ZNF200: variants seen among roughly 807,000 people sequenced by gnomAD.
ZNF200 encodes the protein zinc finger protein 200.
A neutral mutation model predicts 33.6 loss-of-function variants in ZNF200; 35 were observed. The ratio of observed to expected loss-of-function variants is 1.04; its 90% CI spans 0.80 to 1.38. The LOEUF (loss-of-function observed/expected upper bound fraction) is 1.38, where lower values mean the gene tolerates loss of function less well. Ranked by LOEUF, ZNF200 falls within the 40% of genes most tolerant of loss-of-function variation. ZNF200 has a pLI of 0.00. For synonymous variants in ZNF200, 209 were observed against 167.7 expected (o/e 1.25, Z -1.90); for missense variants, 592 against 470.6 (o/e 1.26, Z -2.39).
chr16:3,226,410 G>A (rs1219483611), intron 4 of ZNF200: 1 of 152,062 alleles, frequency 6.6e-6, no homozygotes, highest in African/African-American at 2.4e-5. Context: ...TTTTACCATA[G>A]CTCTTGACAT....
intron 3 of ZNF200, 27 bp from the exon 4 acceptor site, chr16:3,232,574 C>G (rs1363760856): frequency 6.2e-7 from 1 of 1,610,568 alleles, no homozygotes; most frequent in African/African-American, 1.3e-5. Flanking sequence ...CCCCTTTCAT[C>G]TTAGTAACTG....
Position 3,224,293 on chromosome 16 carries a change from C to G in ZNF200, c.787G>C (p.Glu263Gln). ...TGGTGGGAAATGAGGTAAGAACTTT[C>G]ATTAAACTGTTTCCCACACAGTGGA... is the stretch of plus-strand genomic sequence containing the variant. ...TCPLCGKQFN[E>Q]SSYLISHQRT... Residue 263 changes from glutamate (E) to glutamine (Q), a missense_variant, in exon 5 of 5, where the codon GAA (glutamate) becomes CAA (glutamine). By Grantham distance (29) the Glu-to-Gln change is conservative. Transcript: ENST00000414144. 1 of 1,614,144 alleles carries G rather than the reference C, an allele frequency of 6.2e-7. No individual in the cohort carries two copies. The highest frequency in any genetic ancestry group is 1.3e-5 in the African/African-American group (1 of 75,032).
chr16:3,226,787 G>A (rs1042916990), intron 4 of ZNF200: 6 of 152,096 alleles, frequency 3.9e-5, no homozygotes, highest in African/African-American at 1.2e-4. Context: ...TTGAACTCCT[G>A]GAACAAAGGA....
rs199831955 is a variant in ZNF200 at position 3,232,932 on chromosome 16, A to T, written c.251-11T>A. The stretch of plus-strand genomic sequence containing the variant: ...AGGGACGAGGATGCACTGGGGAAAG[A>T]GGAAGGTTTAGTTAGTGAAAAACTC... On this transcript the variant is annotated splice_polypyrimidine_tract_variant and intron_variant, in intron 2 of 4. Transcript: ENST00000414144. 79 of 1,612,794 alleles carry T rather than the reference A, an allele frequency of 4.9e-5. 1 individual carries two copies. The Admixed American group carries it at 1.3e-3, about 27-fold the overall frequency.
intron 4 of ZNF200, chr16:3,226,342 A>G (rs1257814512): frequency 6.6e-6 from 1 of 152,194 alleles, no homozygotes; most frequent in Non-Finnish European, 1.5e-5. Context: ...GGCATGAGCC[A>G]CTGCGCCCGA....
At chr16:3,226,897 A>G (rs1189233764) in intron 4 of ZNF200, 1 of 152,166 alleles carries the variant, frequency 6.6e-6, no homozygotes, top group Non-Finnish European at 1.5e-5. Flanking sequence ...CTCACCATCA[A>G]TGTGTTTTTA....
intron 3 of ZNF200, 56 bp downstream of exon 3, chr16:3,232,777 T>A (rs901349240): frequency 1.3e-6 from 2 of 1,573,398 alleles, no homozygotes; most frequent in Non-Finnish European, 1.7e-6. Flanking sequence ...TACACACAGG[T>A]TGGCCAAGCA....
intron 4 of ZNF200, chr16:3,227,347 A>C (rs1413648477): frequency 6.6e-6 from 1 of 152,244 alleles, no homozygotes; most frequent in Non-Finnish European, 1.5e-5. Flanking sequence ...GGAATCACTC[A>C]TATTTTCTAA....
Position 3,234,971 on chromosome 16 carries a change from T to G in ZNF200, c.-82+16A>C, listed in dbSNP as rs938334266. ...GGCGGCCTCAGCCTGGTTCCCGCCC[T>G]CACGGAGCCCCTCACCTCTCGGGGC... On this transcript the variant is annotated intron_variant, in intron 1 of 4. Transcript: ENST00000414144. The G allele has an allele frequency of 2.6e-5, 4 of 152,270 alleles. No homozygotes were observed. The highest frequency in any genetic ancestry group is 9.6e-5 in the African/African-American group (4 of 41,452). The allele number at this position is 152,270 out of a possible 1,614,324, so 9.4% of individuals were successfully genotyped here.
chr16:3,233,365 A>T, intron 2 of ZNF200, 141 bp downstream of exon 2: 1 of 1,205,198 alleles, frequency 8.3e-7, no homozygotes, highest in Non-Finnish European at 1.1e-6. Flanking sequence ...ACTTGAGAAG[A>T]ACTTCCTCTT....
chr16:3,231,303 A>C (rs968971940), intron 4 of ZNF200, among the ~76,000 whole-genome samples: 1 of 152,242 alleles, frequency 6.6e-6, no homozygotes, highest in African/African-American at 2.4e-5. Flanking sequence ...AATAAAGAAG[A>C]TATCACATAG....
At chr16:3,228,533 C>T (rs974126963) in intron 4 of ZNF200, among the ~76,000 whole-genome samples, 5 of 151,798 alleles carry the variant, frequency 3.3e-5, no homozygotes, top group Admixed American at 2.0e-4. Flanking sequence ...CTTGCTCTGT[C>T]CCCTAGGCTG....
chr16:3,224,083 C>T lies in ZNF200; in HGVS notation c.997G>A (p.Glu333Lys), dbSNP rs967063481. Residue 333 changes from glutamate (E) to lysine (K), a missense_variant, in exon 5 of 5, where the codon GAG (glutamate) becomes AAG (lysine). Transcript: ENST00000414144. ...CATTCTGGACACTTAAATATCTTCT[C>T]CCTTATATGGATTCCTTCATGACGA... Reference protein sequence around the residue: ...RSRHEGIHIREKIFKCPECGK... With the variant: ...RSRHEGIHIRKKIFKCPECGK... The T allele has an allele frequency of 2.5e-6, 4 of 1,614,024 alleles. No individual in the cohort carries two copies. The highest frequency in any genetic ancestry group is 1.3e-5 in the African/African-American group (1 of 74,910).
At chr16:3,228,621 A>G (rs1238771945) in intron 4 of ZNF200, among the ~76,000 whole-genome samples, 2 of 151,946 alleles carry the variant, frequency 1.3e-5, no homozygotes, top group African/African-American at 4.8e-5. Flanking sequence ...CAGCCTCCAG[A>G]GTAACTGGGA....
At chr16:3,230,446 G>T (rs1356261520) in intron 4 of ZNF200, among the ~76,000 whole-genome samples, 1 of 152,098 alleles carries the variant, frequency 6.6e-6, no homozygotes, top group Non-Finnish European at 1.5e-5. Flanking sequence ...TTTGTTTGTT[G>T]CCTAGTATTT....
Position 3,224,231 on chromosome 16 carries a change from A to T in ZNF200, c.849T>A (p.Asn283Lys), listed in dbSNP as rs1958407916. 1.9e-6 allele frequency: 3 copies of T among 1,614,136 alleles called. No individual in the cohort carries two copies. Among genetic ancestry groups the T allele is most frequent in the Non-Finnish European group, 2.5e-6 (3 of 1,180,030 alleles). ...TATGATTGAAGCTTTTCCCACAGTGATTACAGTCATAGGGTTTTTCTCCAG... is the reference window on the plus strand; with the variant it reads ...TATGATTGAAGCTTTTCCCACAGTGTTTACAGTCATAGGGTTTTTCTCCAG... ...THTGEKPYDC[N>K]HCGKSFNHKT... Residue 283 changes from asparagine to lysine, a missense_variant, in exon 5 of 5, where the codon AAT (asparagine) becomes AAA (lysine). Transcript: ENST00000414144.
At position 3,233,663 on chromosome 16, in the gene ZNF200, T is replaced by C. The variant is rs770841689; in HGVS notation, c.93A>G (p.Leu31=). 7.4e-6 allele frequency: 12 copies of C among 1,613,808 alleles called. No individual in the cohort carries two copies. The highest frequency in any genetic ancestry group is 1.0e-5 in the Non-Finnish European group (12 of 1,179,990). ...TGGGCCCGTTAGTGGCATCTCGAAG[T>C]AGGTCTTGGCCCAGCTTGGAGTCTG... ...VPPDSKLGQD[L]LRDATNGPKT... Residue 31 remains leucine, a synonymous_variant, in exon 2 of 5, where the codon CTA becomes CTG. Coordinates refer to ENST00000414144, the MANE Select transcript of ZNF200 (RefSeq NM_198088.3).
chr16:3,229,850 C>T (rs759198011), intron 4 of ZNF200, among the ~76,000 whole-genome samples: 4 of 145,934 alleles, frequency 2.7e-5, no homozygotes, highest in Admixed American at 1.4e-4. Context: ...TAGGTGACAG[C>T]GAGACTCCGT....
chr16:3,227,572 A>G (rs1369300549), intron 4 of ZNF200: 1 of 152,212 alleles, frequency 6.6e-6, no homozygotes, highest in Admixed American at 6.5e-5. Context: ...AGGTGAAGGT[A>G]ACTGAGTCAT....
Sources: allele counts gnomAD v4.1 joint callset (sites outside exome capture counted in the v4.1 genomes callset), GRCh38; gene constraint gnomAD v4.1.1; transcripts MANE v1.5; gene names NCBI Gene and HGNC (gene_info 2026-07-23, HGNC 2026-07-21).